The following PHF14 variants were observed in gnomAD, a reference collection of about 807,000 sequenced individuals.
PHF14 encodes PHD finger protein 14.
Under a neutral mutation model 117.9 loss-of-function variants are expected in PHF14, and 55 were observed. The observed-to-expected ratio is 0.47, with a 90% CI of 0.38 to 0.58. The LOEUF is 0.58. Ranked by LOEUF, PHF14 falls within the 20% of genes least tolerant of loss-of-function variation. The pLI is 0.00. For synonymous variants in PHF14, 409 were observed against 368.6 expected (o/e 1.11, Z -1.26); for missense variants, 978 against 1,122.2 (o/e 0.87, Z 1.84).
chr7:11,122,814 TAGTAGCTTC>T (rs1364451025), intron 17 of PHF14, among the ~76,000 whole-genome samples: 1 of 152,254 alleles, frequency 6.6e-6, no homozygotes, highest in South Asian at 2.1e-4. Flanking sequence ...ATTAAATTAG[TAGTAGCTTC>T]AGTAGTGTTT....
chr7:11,068,117 A>T (rs571838839), intron 16 of PHF14, among the ~76,000 whole-genome samples: 1 of 152,202 alleles, frequency 6.6e-6, no homozygotes, highest in South Asian at 2.1e-4. Context: ...TCGGAAGGCC[A>T]AGGCAGGTGA....
At chr7:11,096,188 G>A (rs1319971622) in intron 16 of PHF14, among the ~76,000 whole-genome samples, 3 of 151,972 alleles carry the variant, frequency 2.0e-5, no homozygotes, top group Non-Finnish European at 2.9e-5. Context: ...ATGGATATTT[G>A]CATGTAAACT....
intron 4 of PHF14, among the ~76,000 whole-genome samples, chr7:11,012,284 AC>A (rs1783381576): frequency 1.3e-5 from 2 of 152,192 alleles, no homozygotes; most frequent in African/African-American, 2.4e-5. Context: ...CTAAATAGAA[AC>A]TTTAAATATA....
chr7:11,109,711 C>G (rs1029584), intron 16 of PHF14: 1 of 151,374 alleles, frequency 6.6e-6, no homozygotes, highest in South Asian at 2.1e-4. Context: ...ATTATTCTTT[C>G]TTAATGCCAG....
At chr7:11,099,505 G>A (rs992252476) in intron 16 of PHF14, among the ~76,000 whole-genome samples, 36 of 152,126 alleles carry the variant, frequency 2.4e-4, no homozygotes, top group South Asian at 4.2e-4. Context: ...AGCACCTACA[G>A]CAGTGAAATA....
At chr7:11,094,408 C>T (rs1195477959) in intron 16 of PHF14, among the ~76,000 whole-genome samples, 1 of 152,134 alleles carries the variant, frequency 6.6e-6, no homozygotes, top group Non-Finnish European at 1.5e-5. Flanking sequence ...TCATGACCCC[C>T]AACTTCTTGC....
chr7:11,133,644 C>G (rs1392897457), intron 17 of PHF14, among the ~76,000 whole-genome samples: 1 of 151,876 alleles, frequency 6.6e-6, no homozygotes, highest in African/African-American at 2.4e-5. Flanking sequence ...TAGCAAGACA[C>G]TCTTTTTTCA....
intron 4 of PHF14, 145 bp downstream of exon 4, chr7:10,990,992 A>T: frequency 1.7e-6 from 1 of 586,808 alleles, no homozygotes; most frequent in South Asian, 2.9e-5. Flanking sequence ...TTTTCAGGTT[A>T]TCTTTTCTTT....
intron 16 of PHF14, among the ~76,000 whole-genome samples, chr7:11,067,127 A>C (rs1376347474): frequency 6.6e-6 from 1 of 152,210 alleles, no homozygotes; most frequent in Non-Finnish European, 1.5e-5. Flanking sequence ...AATAAGAAAC[A>C]ACCCCATTAA....
chr7:10,987,490 A>G (rs1782265294), intron 3 of PHF14, among the ~76,000 whole-genome samples: 1 of 152,134 alleles, frequency 6.6e-6, no homozygotes, highest in Non-Finnish European at 1.5e-5. Flanking sequence ...CAGTATTATC[A>G]TTTTGGGGGT....
intron 4 of PHF14, among the ~76,000 whole-genome samples, chr7:11,003,530 T>C (rs1782957195): frequency 6.6e-6 from 1 of 152,222 alleles, no homozygotes. Flanking sequence ...TGTTATGGGA[T>C]ACATATAGAT....
chr7:10,996,931 GTTTTAT>G (rs1782673436), intron 4 of PHF14, among the ~76,000 whole-genome samples: 1 of 152,156 alleles, frequency 6.6e-6, no homozygotes, highest in African/African-American at 2.4e-5. Flanking sequence ...ACAGCCGTAG[GTTTTAT>G]TTTTATTTGT....
At chr7:11,075,094 C>A (rs1785781327) in intron 16 of PHF14, among the ~76,000 whole-genome samples, 1 of 151,978 alleles carries the variant, frequency 6.6e-6, no homozygotes, top group Non-Finnish European at 1.5e-5. Flanking sequence ...CATGCCATCA[C>A]ACCTGGCTAA....
intron 16 of PHF14, among the ~76,000 whole-genome samples, chr7:11,068,619 G>T (rs1785503824): frequency 6.6e-6 from 1 of 152,110 alleles, no homozygotes; most frequent in Non-Finnish European, 1.5e-5. Flanking sequence ...GGGGATGGTT[G>T]CACAACAGTG....
At chr7:11,033,705 C>T (rs978091924) in intron 7 of PHF14, among the ~76,000 whole-genome samples, 5 of 152,140 alleles carry the variant, frequency 3.3e-5, no homozygotes, top group African/African-American at 1.2e-4. Flanking sequence ...CTCACCTATG[C>T]AAGCATGAAT....
At chr7:11,014,120 T>G (rs755557778) in intron 5 of PHF14, among the ~76,000 whole-genome samples, 9 of 152,208 alleles carry the variant, frequency 5.9e-5, no homozygotes, top group Non-Finnish European at 1.2e-4. Flanking sequence ...TCCATAATCT[T>G]AATTAATCTT....
At chr7:11,089,871 A>G (rs1237340341) in intron 16 of PHF14, among the ~76,000 whole-genome samples, 1 of 150,136 alleles carries the variant, frequency 6.7e-6, no homozygotes, top group Non-Finnish European at 1.5e-5. Flanking sequence ...CCTGGCTTCA[A>G]GCGATTCTCC....
At chr7:11,073,104 G>A (rs1785685492) in intron 16 of PHF14, among the ~76,000 whole-genome samples, 1 of 152,020 alleles carries the variant, frequency 6.6e-6, no homozygotes, top group Admixed American at 6.6e-5. Flanking sequence ...CCCCTCCCCA[G>A]TTTTATCTTC....
chr7:11,017,463 A>G (rs1783572878), intron 5 of PHF14, among the ~76,000 whole-genome samples: 1 of 152,126 alleles, frequency 6.6e-6, no homozygotes. Context: ...ATTTCATGAT[A>G]GTTTTGATTT....
Sources: gnomAD v4.1 joint callset for allele counts (sites outside exome capture counted in the v4.1 genomes callset) on GRCh38, gnomAD v4.1.1 for gene constraint, MANE v1.5 for transcripts, NCBI Gene and HGNC (gene_info 2026-07-23, HGNC 2026-07-21) for gene names.